SUSD1: variants seen among roughly 807,000 people sequenced by gnomAD.
SUSD1 encodes the protein sushi domain-containing protein 1.
In SUSD1, 65 loss-of-function variants were observed where a neutral mutation model predicts 86.9. The observed-to-expected ratio is 0.75, with a 90% CI of 0.61 to 0.92. The LOEUF (loss-of-function observed/expected upper bound fraction) is 0.92. Ranked by LOEUF, SUSD1 falls within the 40% of genes least tolerant of loss-of-function variation. SUSD1 has a pLI of 0.00. For synonymous variants in SUSD1, 346 were observed against 350.0 expected (o/e 0.99, Z 0.13); for missense variants, 850 against 929.7 (o/e 0.91, Z 1.11).
At chr9:112,079,848 C>T (rs970026988) in intron 11 of SUSD1, among the ~76,000 whole-genome samples, 2 of 152,116 alleles carry the variant, frequency 1.3e-5, no homozygotes, top group African/African-American at 2.4e-5. Flanking sequence ...GTGATCCGCC[C>T]GCCTCAGCCT....
chr9:112,157,273 A>G (rs1293611738), intron 2 of SUSD1, among the ~76,000 whole-genome samples: 1 of 152,236 alleles, frequency 6.6e-6, no homozygotes, highest in Admixed American at 6.5e-5. Flanking sequence ...GTTTCCAGAG[A>G]TTCAAGTTCA....
intron 5 of SUSD1, among the ~76,000 whole-genome samples, chr9:112,129,904 G>T (rs769031347): frequency 7.9e-5 from 12 of 152,158 alleles, no homozygotes; most frequent in Non-Finnish European, 1.3e-4. Flanking sequence ...GACATCAGCA[G>T]ATCATACGTC....
chr9:112,168,619 A>G (rs1318232590), intron 1 of SUSD1, among the ~76,000 whole-genome samples: 2 of 152,204 alleles, frequency 1.3e-5, no homozygotes, highest in Admixed American at 6.5e-5. Context: ...TTAATAGTAC[A>G]GTAAAGAGAT....
intron 13 of SUSD1, among the ~76,000 whole-genome samples, chr9:112,062,186 G>A (rs2118992080): frequency 6.6e-6 from 1 of 152,204 alleles, no homozygotes; most frequent in South Asian, 2.1e-4. Context: ...CACCCCCCAA[G>A]ATCAACCTTA....
Position 112,157,568 on chromosome 9 carries a change from T to C in SUSD1, c.149A>G (p.Gln50Arg), listed in dbSNP as rs1419956399. 1 of 1,614,038 alleles carries C rather than the reference T, an allele frequency of 6.2e-7. No individual in the cohort carries two copies. Among genetic ancestry groups the C allele is most frequent in the African/African-American group, 1.3e-5 (1 of 74,940 alleles). The part of the protein sequence containing the change: ...ATCHEHATCQ[Q>R]REGKKICICN... ...AATACAGATCTTCTTCCCTTCTCTT[T>C]GCTGGCATGTGGCATGTTCATGGCA... The change falls in exon 2 of 17, where the codon CAA becomes CGA. Residue 50 changes from glutamine (Q) to arginine (R), a missense_variant. Physicochemically the swap from Gln to Arg is conservative, Grantham distance 43. Transcript: ENST00000374270.
At chr9:112,153,605 T>C (rs971472907) in intron 2 of SUSD1, among the ~76,000 whole-genome samples, 5 of 149,550 alleles carry the variant, frequency 3.3e-5, no homozygotes, top group African/African-American at 9.9e-5. Flanking sequence ...AAGTATTACA[T>C]ACTATACTTT....
At chr9:112,112,374 C>T (rs1831136196) in intron 7 of SUSD1, among the ~76,000 whole-genome samples, 1 of 152,176 alleles carries the variant, frequency 6.6e-6, no homozygotes, top group Non-Finnish European at 1.5e-5. Context: ...GTGGCTCATG[C>T]CTATAATCCC....
At chr9:112,086,443 C>A (rs1438079603) in intron 10 of SUSD1, among the ~76,000 whole-genome samples, 2 of 149,844 alleles carry the variant, frequency 1.3e-5, no homozygotes, top group South Asian at 2.1e-4. Flanking sequence ...AAGAGGGAAG[C>A]AAGGTGGCCC....
intron 1 of SUSD1, 53 bp from the exon 2 acceptor site, chr9:112,157,666 T>C (rs1564350098): frequency 1.4e-6 from 2 of 1,447,086 alleles, no homozygotes; most frequent in Non-Finnish European, 1.9e-6. Flanking sequence ...ATGAGACACA[T>C]GTAGTTAGTG....
chr9:112,094,208 A>G lies in SUSD1; in HGVS notation c.1474+4262T>C, dbSNP rs183310652. Among the ~76,000 whole-genome samples, 378 of 152,326 alleles carry G rather than the reference A, an allele frequency of 2.5e-3. 1 individual carries two copies. The highest frequency in any genetic ancestry group is 8.6e-3 in the African/African-American group (358 of 41,570). On this transcript the variant is annotated intron_variant, in intron 10 of 16. Coordinates refer to ENST00000374270, the MANE Select transcript of SUSD1 (RefSeq NM_022486.5). ...ACTTGCTAAAGTTTAAGATGCACAA[A>G]GGGAGCAATGGTGGGAGGTTTTAAA...
Position 112,170,659 on chromosome 9 carries a change from C to A in SUSD1, c.103+4474G>T, listed in dbSNP as rs142677421. 2.2e-3 allele frequency among the ~76,000 whole-genome samples: 324 copies of A among 148,716 alleles called. 1 individual carries two copies. Among genetic ancestry groups the A allele is most frequent in the African/African-American group, 7.6e-3 (305 of 39,886 alleles). ...GTCATTCAGCCCATGTTGCCAGTGA[C>A]AGACTGAATATACAAATGGACAATG... On this transcript the variant is annotated intron_variant, in intron 1 of 16. Coordinates refer to ENST00000374270, the MANE Select transcript of SUSD1 (RefSeq NM_022486.5).
At chr9:112,099,117 T>G (rs930246233) in intron 9 of SUSD1, among the ~76,000 whole-genome samples, 4 of 152,000 alleles carry the variant, frequency 2.6e-5, no homozygotes, top group Admixed American at 2.0e-4. Flanking sequence ...TGGCACAATC[T>G]TAGTTCACAG....
chr9:112,138,266 C>CATATAT (rs144187888), intron 5 of SUSD1, among the ~76,000 whole-genome samples: 2 of 62,870 alleles, frequency 3.2e-5, no homozygotes, highest in Middle Eastern at 6.8e-3. Context: ...TGTGTATATA[C>CATATAT]ATATATATAT....
chr9:112,165,620 G>C (rs1029018029), intron 1 of SUSD1, among the ~76,000 whole-genome samples: 2 of 151,544 alleles, frequency 1.3e-5, no homozygotes, highest in African/African-American at 2.4e-5. Flanking sequence ...ATGTTGGCCA[G>C]GCTGGTCTTG....
chr9:112,050,108 C>T (rs1252677354), intron 15 of SUSD1, among the ~76,000 whole-genome samples: 1 of 152,182 alleles, frequency 6.6e-6, no homozygotes, highest in Non-Finnish European at 1.5e-5. Flanking sequence ...ATAAAAGCAT[C>T]TCTTTTCCTC....
chr9:112,160,934 A>T (rs185425386), intron 1 of SUSD1, among the ~76,000 whole-genome samples: 8 of 152,262 alleles, frequency 5.3e-5, no homozygotes, highest in Non-Finnish European at 1.0e-4. Flanking sequence ...AAGGCTCCAC[A>T]TTAGAAGGAC....
At chr9:112,081,264 T>C (rs1829756329) in intron 10 of SUSD1, among the ~76,000 whole-genome samples, 1 of 152,162 alleles carries the variant, frequency 6.6e-6, no homozygotes, top group African/African-American at 2.4e-5. Context: ...TCATGAAAGG[T>C]AAGGCTGTAT....
At chr9:112,052,546 A>G (rs1828262709) in intron 14 of SUSD1, 108 bp from the exon 15 acceptor site, 1 of 1,264,594 alleles carries the variant, frequency 7.9e-7, no homozygotes, top group East Asian at 2.4e-5. Context: ...CAATCTCTTA[A>G]TCTGAACTAG....
chr9:112,043,079 T>C (rs147071244), intron 15 of SUSD1, among the ~76,000 whole-genome samples: 132 of 152,328 alleles, frequency 8.7e-4, no homozygotes, highest in African/African-American at 3.1e-3. Context: ...AGTTTATAGT[T>C]TAACTTTGAA....
Sources: gnomAD v4.1 joint callset for allele counts (sites outside exome capture counted in the v4.1 genomes callset) on GRCh38, gnomAD v4.1.1 for gene constraint, MANE v1.5 for transcripts, NCBI Gene and HGNC (gene_info 2026-07-23, HGNC 2026-07-21) for gene names.